DLGAP2: variants seen among roughly 807,000 people sequenced by gnomAD.
DLGAP2 encodes the protein disks large-associated protein 2.
In DLGAP2, 26 loss-of-function variants were observed where a neutral mutation model predicts 100.3. The ratio of observed to expected loss-of-function variants is 0.26; its 90% CI spans 0.19 to 0.36. DLGAP2 has a LOEUF of 0.36. DLGAP2 is among the 10% of genes least tolerant of loss of function. The pLI is 1.00. For missense variants in DLGAP2, 1,858 were observed against 1,453.2 expected (o/e 1.28, Z -4.53); for synonymous variants, 886 against 630.1 (o/e 1.41, Z -6.08).
chr8:1,656,441 T>C (rs1051030111), intron 8 of DLGAP2, among the ~76,000 whole-genome samples: 95 of 152,232 alleles, frequency 6.2e-4, no homozygotes, highest in African/African-American at 2.2e-3. Context: ...TGGGTAGCAG[T>C]CTCCCACCCC....
chr8:1,058,532 T>C (rs766669285), intron 2 of DLGAP2, among the ~76,000 whole-genome samples: 1 of 152,238 alleles, frequency 6.6e-6, no homozygotes, highest in Non-Finnish European at 1.5e-5. Flanking sequence ...CGTAGCTGGC[T>C]AATGTGGTTC....
In DLGAP2 at chr8:1,115,546, C is replaced by G. The variant is rs75419849; in HGVS notation, c.74-143305C>G. Among the ~76,000 whole-genome samples the G allele has an allele frequency of 5.9e-3, 892 of 152,330 alleles. 8 individuals carry two copies. The highest frequency in any genetic ancestry group is 0.02 in the African/African-American group (847 of 41,566). ...GTTTGTGTATGTAAAGTGCCTAAGA[C>G]AGTGCCTACCACACCATAGATGCTG... On this transcript the variant is annotated intron_variant, in intron 2 of 14. Coordinates refer to ENST00000637795, the MANE Select transcript of DLGAP2 (RefSeq NM_001346810.2).
chr8:1,190,806 G>C (rs887835419), intron 2 of DLGAP2, among the ~76,000 whole-genome samples: 2 of 151,962 alleles, frequency 1.3e-5, no homozygotes, highest in Admixed American at 1.3e-4. Context: ...GCAAGGCGTG[G>C]GGTCTGTAGG....
At chr8:1,676,906 G>A (rs567040292) in intron 11 of DLGAP2, among the ~76,000 whole-genome samples, 1 of 152,362 alleles carries the variant, frequency 6.6e-6, no homozygotes, top group East Asian at 1.9e-4. Flanking sequence ...AAGGAAAGAA[G>A]GACGGGCTGA....
chr8:956,164 T>C (rs1290395789), intron 2 of DLGAP2, among the ~76,000 whole-genome samples: 1 of 152,214 alleles, frequency 6.6e-6, no homozygotes, highest in African/African-American at 2.4e-5. Flanking sequence ...GTGCGTCTGG[T>C]GCATTTCTTT....
intron 6 of DLGAP2, among the ~76,000 whole-genome samples, chr8:1,616,118 T>G (rs1051900060): frequency 4.6e-5 from 7 of 151,860 alleles, no homozygotes; most frequent in African/African-American, 1.7e-4. Flanking sequence ...AAATGAAAAA[T>G]TTATGGGATG....
intron 2 of DLGAP2, among the ~76,000 whole-genome samples, chr8:1,136,322 C>T (rs1796411579): frequency 6.6e-6 from 1 of 152,100 alleles, no homozygotes; most frequent in South Asian, 2.1e-4. Context: ...CCCCTCCCAT[C>T]AGCCATGAAG....
intron 12 of DLGAP2, among the ~76,000 whole-genome samples, chr8:1,681,992 A>G (rs1444621465): frequency 6.6e-6 from 1 of 152,052 alleles, no homozygotes; most frequent in Non-Finnish European, 1.5e-5. Flanking sequence ...CTGACATTGA[A>G]GGCTCTGCCT....
At chr8:1,303,704 G>T (rs1006115735) in intron 3 of DLGAP2, among the ~76,000 whole-genome samples, 19 of 152,144 alleles carry the variant, frequency 1.2e-4, no homozygotes, top group East Asian at 9.7e-4. Flanking sequence ...GTCTCCTTGG[G>T]AGGCACGGGT....
intron 2 of DLGAP2, among the ~76,000 whole-genome samples, chr8:1,165,061 T>G (rs1796987746): frequency 6.6e-6 from 1 of 151,280 alleles, no homozygotes; most frequent in East Asian, 2.0e-4. Flanking sequence ...AAGATTCTCC[T>G]CCCTCTGGGC....
At chr8:1,640,689 T>C (rs1190758398) in intron 8 of DLGAP2, among the ~76,000 whole-genome samples, 1 of 152,066 alleles carries the variant, frequency 6.6e-6, no homozygotes, top group Non-Finnish European at 1.5e-5. Flanking sequence ...GACTCGGGCA[T>C]GAGACCCCAT....
chr8:1,294,752 C>T (rs1342532964), intron 3 of DLGAP2, among the ~76,000 whole-genome samples: 1 of 151,844 alleles, frequency 6.6e-6, no homozygotes, highest in Non-Finnish European at 1.5e-5. Context: ...ACGTGTAATC[C>T]TGGCACTTTG....
At chr8:804,664 C>T (rs1032783216) in intron 1 of DLGAP2, among the ~76,000 whole-genome samples, 10 of 152,212 alleles carry the variant, frequency 6.6e-5, no homozygotes, top group African/African-American at 2.2e-4. Context: ...TCTTTTCCCC[C>T]AAGATATTTG....
At chr8:1,334,106 A>C (rs1412328227) in intron 3 of DLGAP2, among the ~76,000 whole-genome samples, 3 of 152,208 alleles carry the variant, frequency 2.0e-5, no homozygotes, top group Non-Finnish European at 4.4e-5. Context: ...CCTGGACTGG[A>C]AAGAGTGACA....
chr8:1,328,648 G>A (rs1248441616), intron 3 of DLGAP2, among the ~76,000 whole-genome samples: 1 of 152,138 alleles, frequency 6.6e-6, no homozygotes, highest in Admixed American at 6.6e-5. Flanking sequence ...ACTGCACCTG[G>A]CCTTACAGTT....
intron 4 of DLGAP2, among the ~76,000 whole-genome samples, chr8:1,516,044 A>G (rs183418750): frequency 6.9e-6 from 1 of 144,642 alleles, no homozygotes; most frequent in Non-Finnish European, 1.6e-5. Flanking sequence ...TGAGTAACTG[A>G]GTGAATGAGT....
chr8:1,520,261 G>A (rs1445719796), intron 4 of DLGAP2, among the ~76,000 whole-genome samples: 1 of 152,144 alleles, frequency 6.6e-6, no homozygotes, highest in Non-Finnish European at 1.5e-5. Context: ...TTCACAGAGG[G>A]AAGAAGATGG....
chr8:1,670,600 C>T (rs1356094946), intron 10 of DLGAP2, among the ~76,000 whole-genome samples: 1 of 152,162 alleles, frequency 6.6e-6, no homozygotes, highest in East Asian at 1.9e-4. Flanking sequence ...AGCGAGTGGA[C>T]GGATGGGTCG....
intron 5 of DLGAP2, among the ~76,000 whole-genome samples, chr8:1,549,928 G>A (rs995821219): frequency 3.9e-5 from 6 of 152,124 alleles, no homozygotes; most frequent in Admixed American, 2.0e-4. Context: ...TATTCAATAC[G>A]TGGTTGTTAA....
Sources: allele counts gnomAD v4.1 joint callset (sites outside exome capture counted in the v4.1 genomes callset), GRCh38; gene constraint gnomAD v4.1.1; transcripts MANE v1.5; gene names NCBI Gene and HGNC (gene_info 2026-07-23, HGNC 2026-07-21).